FAT4: variants seen among roughly 807,000 people sequenced by gnomAD.
FAT4 encodes the protein protocadherin Fat 4.
FAT4 carries 84 observed loss-of-function variants against 303.9 expected under a neutral mutation model. The observed-to-expected ratio is 0.28, with a 90% CI of 0.23 to 0.33. The LOEUF (loss-of-function observed/expected upper bound fraction) is 0.33. FAT4 is among the 10% of genes least tolerant of loss of function. The probability of loss-of-function intolerance (pLI) is 1.00; values close to 1 mark genes in which losing one functional copy is unlikely to be tolerated. For synonymous variants in FAT4, 2,307 were observed against 2,298.8 expected (o/e 1.00, Z -0.10); for missense variants, 6,005 against 6,146.8 (o/e 0.98, Z 0.77).
intron 8 of FAT4, among the ~76,000 whole-genome samples, chr4:125,437,155 G>A (rs771030406): frequency 7.2e-5 from 11 of 151,956 alleles, no homozygotes; most frequent in Non-Finnish European, 1.5e-4. Context: ...ATGCCTGGCC[G>A]ACACATGGGG....
rs555033923 is a variant in FAT4, at chr4:125,464,340, A to G, written c.11905+673A>G. ...TCCAGGTCTTATCCAGCTGTTACCC[A>G]TTACTGTGCCAGCCAAAAACCATGA... On this transcript the variant is annotated intron_variant, in intron 11 of 17. Coordinates refer to ENST00000394329, the MANE Select transcript of FAT4 (RefSeq NM_001291303.3). Among the ~76,000 whole-genome samples the G allele has an allele frequency of 4.6e-5, 7 of 152,204 alleles. No individual in the cohort carries two copies. The South Asian group carries it at 1.2e-3, about 27-fold the overall frequency.
chr4:125,392,527 T>C (rs1395066840), intron 2 of FAT4, among the ~76,000 whole-genome samples: 1 of 152,166 alleles, frequency 6.6e-6, no homozygotes, highest in African/African-American at 2.4e-5. Context: ...GAAATAGCTT[T>C]TTGTATACGT....
intron 2 of FAT4, among the ~76,000 whole-genome samples, chr4:125,397,797 C>T (rs2126011901): frequency 6.6e-6 from 1 of 152,218 alleles, no homozygotes; most frequent in African/African-American, 2.4e-5. Flanking sequence ...TTTTGCTCTC[C>T]CCACTTCCTT....
rs150318176 is a variant in FAT4 at position 125,328,435 on chromosome 4, C to T, written c.5175+6849C>T. ...TGGTAATTAAACAGTGATTATAGGA[C>T]CACAATCTTCTTCAGTTTCCAGACG... On this transcript the variant is annotated intron_variant, in intron 2 of 17. Transcript: ENST00000394329. Among the ~76,000 whole-genome samples the T allele has an allele frequency of 3.9e-3, 599 of 152,170 alleles. 2 individuals carry two copies. The highest frequency in any genetic ancestry group is 0.014 in the African/African-American group (571 of 41,530).
chr4:125,485,014 G>A (rs1423287721), intron 16 of FAT4, among the ~76,000 whole-genome samples: 2 of 151,824 alleles, frequency 1.3e-5, no homozygotes, highest in Admixed American at 1.3e-4. Context: ...AACCATGCCG[G>A]GCTAACTTTT....
intron 5 of FAT4, among the ~76,000 whole-genome samples, chr4:125,409,486 C>T (rs571298681): frequency 2.6e-5 from 4 of 152,146 alleles, no homozygotes; most frequent in African/African-American, 4.8e-5. Flanking sequence ...CAACTCCTGA[C>T]CTCAGATGAC....
chr4:125,360,963 ATT>A (rs1169043623), intron 2 of FAT4, among the ~76,000 whole-genome samples: 1 of 144,238 alleles, frequency 6.9e-6, no homozygotes, highest in African/African-American at 2.5e-5. Flanking sequence ...TTTTATTTAT[ATT>A]TTTATTATTA....
intron 2 of FAT4, among the ~76,000 whole-genome samples, chr4:125,356,100 A>G (rs1428987620): frequency 2.0e-5 from 3 of 151,974 alleles, no homozygotes; most frequent in Admixed American, 1.3e-4. Context: ...AATGATTTCA[A>G]AGAGGAAAGA....
intron 2 of FAT4, among the ~76,000 whole-genome samples, chr4:125,364,737 C>G (rs1341208992): frequency 6.6e-6 from 1 of 151,570 alleles, no homozygotes; most frequent in Non-Finnish European, 1.5e-5. Context: ...GCATGGAGTG[C>G]TGAAAGGAAA....
rs542813400 is a variant in FAT4 at position 125,358,287 on chromosome 4, C to T, written c.5175+36701C>T. 3.3e-5 allele frequency among the ~76,000 whole-genome samples: 5 copies of T among 152,108 alleles called. No individual in the cohort carries two copies. In the South Asian group the frequency reaches 1.0e-3, roughly 32 times the overall value. On this transcript the variant is annotated intron_variant, in intron 2 of 17. Transcript: ENST00000394329. ...ACCGGTTTCATGGAAGACAATTTTTCCATGGACCCAGGTGGAGGGATAGTT... is the reference window on the plus strand; with the variant it reads ...ACCGGTTTCATGGAAGACAATTTTTTCATGGACCCAGGTGGAGGGATAGTT...
chr4:125,434,207 T>G, intron 7 of FAT4, 38 bp from the exon 8 acceptor site: 1 of 1,579,946 alleles, frequency 6.3e-7, no homozygotes, highest in Non-Finnish European at 8.6e-7. Flanking sequence ...TTATTTTTTG[T>G]TTATAAACAT....
intron 17 of FAT4, 105 bp downstream of exon 17, chr4:125,487,711 T>C: frequency 2.7e-6 from 3 of 1,109,768 alleles, no homozygotes; most frequent in Non-Finnish European, 3.6e-6. Context: ...GAATCTCATA[T>C]ACAGAACAAT....
chr4:125,371,433 G>C (rs1044607925), intron 2 of FAT4, among the ~76,000 whole-genome samples: 1 of 151,824 alleles, frequency 6.6e-6, no homozygotes. Flanking sequence ...CAGGAGAGTG[G>C]CTGTGAAGGG....
intron 7 of FAT4, among the ~76,000 whole-genome samples, chr4:125,420,717 T>C (rs1452263848): frequency 6.6e-6 from 1 of 152,204 alleles, no homozygotes. Context: ...ATGGCTTTAA[T>C]TCAGTTTCAA....
Position 125,490,070 on chromosome 4 carries a change from T to C in FAT4, c.13254T>C (p.Ile4418=), listed in dbSNP as rs1727561886. The change falls in exon 18 of 18, where the codon ATT becomes ATC. Residue 4418 remains isoleucine (I), a synonymous_variant. Coordinates refer to ENST00000394329, the MANE Select transcript of FAT4 (RefSeq NM_001291303.3). ...SNPCWGDLLC[I]NQWYAYRCVP... is the part of the protein sequence containing the mutation. ...CCTGCTGGGGTGATTTGCTGTGCAT[T>C]AATCAGTGGTATGCCTACAGGTGTG... 1 of 1,614,034 alleles carries C rather than the reference T, an allele frequency of 6.2e-7. No homozygotes were observed. The highest frequency in any genetic ancestry group is 1.6e-4 in the Middle Eastern group (1 of 6,062).
At position 125,319,627 on chromosome 4, in the gene FAT4, T is replaced by C. The variant is rs756010858; in HGVS notation, c.3216T>C (p.Ala1072=). The C allele has an allele frequency of 1.2e-6, 2 of 1,614,096 alleles. No homozygotes were observed. Among genetic ancestry groups the C allele is most frequent in the Non-Finnish European group, 1.7e-6 (2 of 1,179,936 alleles). The change falls in exon 2 of 18, where the codon GCT becomes GCC. Residue 1072 remains alanine (A), a synonymous_variant. Coordinates refer to ENST00000394329, the MANE Select transcript of FAT4 (RefSeq NM_001291303.3). ...LQDRYVLMVV[A]SDRAVEPLSA... The stretch of plus-strand genomic sequence containing the variant: ...ACAGATATGTTTTAATGGTTGTTGC[T>C]TCTGACAGAGCAGTGGAACCCCTTA...
intron 2 of FAT4, among the ~76,000 whole-genome samples, chr4:125,349,115 G>A (rs1424323028): frequency 1.3e-5 from 2 of 151,632 alleles, no homozygotes; most frequent in Admixed American, 1.3e-4. Flanking sequence ...ATGAAAATTA[G>A]GACTCTTAAG....
At chr4:125,336,700 G>T (rs1183842850) in intron 2 of FAT4, among the ~76,000 whole-genome samples, 1 of 151,860 alleles carries the variant, frequency 6.6e-6, no homozygotes, top group African/African-American at 2.4e-5. Context: ...GTCCATTCTG[G>T]TTGTGCTTTT....
In FAT4 at chr4:125,452,584, T is replaced by C; in HGVS notation, c.11574T>C (p.Gly3858=). 1 of 1,614,146 alleles carries C rather than the reference T, an allele frequency of 6.2e-7. No homozygotes were observed. The highest frequency in any genetic ancestry group is 8.5e-7 in the Non-Finnish European group (1 of 1,180,028). ...FLCKCLPGYA[G]SWCEIDIDEC... ...GCAAGTGTCTGCCAGGATATGCGGGTAGCTGGTGTGAAATAGATATAGATG... is the reference window on the plus strand; with the variant it reads ...GCAAGTGTCTGCCAGGATATGCGGGCAGCTGGTGTGAAATAGATATAGATG... Residue 3858 remains glycine (G), a synonymous_variant, in exon 10 of 18, where the codon GGT becomes GGC. Coordinates refer to ENST00000394329, the MANE Select transcript of FAT4 (RefSeq NM_001291303.3).
Sources: gnomAD v4.1 joint callset for allele counts (sites outside exome capture counted in the v4.1 genomes callset) on GRCh38, gnomAD v4.1.1 for gene constraint, MANE v1.5 for transcripts, NCBI Gene and HGNC (gene_info 2026-07-23, HGNC 2026-07-21) for gene names.